CEP95: variants seen among roughly 807,000 people sequenced by gnomAD.
CEP95 encodes the protein centrosomal protein 95.
Under a neutral mutation model 111.2 loss-of-function variants are expected in CEP95, and 98 were observed. The observed-to-expected ratio is 0.88, with a 90% CI of 0.75 to 1.04. The LOEUF (loss-of-function observed/expected upper bound fraction) is 1.04. Among genes scored for constraint, CEP95 ranks in the 50% least tolerant of loss-of-function variants. The pLI, the probability that CEP95 is intolerant of heterozygous loss-of-function variation, is 0.00. For missense variants in CEP95, 1,027 were observed against 977.2 expected (o/e 1.05, Z -0.68); for synonymous variants, 323 against 327.1 (o/e 0.99, Z 0.14).
At chr17:64,515,367 T>C (rs1555676108) in intron 4 of CEP95, among the ~76,000 whole-genome samples, 1 of 152,216 alleles carries the variant, frequency 6.6e-6, no homozygotes, top group African/African-American at 2.4e-5. Flanking sequence ...GCTGTGTACC[T>C]TTCTAGTCTT....
intron 5 of CEP95, 47 bp downstream of exon 5, chr17:64,516,875 T>C (rs1966897929): frequency 8.7e-7 from 1 of 1,143,966 alleles, no homozygotes. Context: ...TTACGCTTTT[T>C]GGACTAAGAA....
At chr17:64,526,030 C>A in intron 9 of CEP95, 41 bp from the exon 10 acceptor site, 1 of 1,592,046 alleles carries the variant, frequency 6.3e-7, no homozygotes, top group Non-Finnish European at 8.5e-7. Context: ...AAATAATAGA[C>A]ACCTAGCTAT....
Position 64,537,650 on chromosome 17 carries a change from A to G in CEP95, c.2337A>G (p.Glu779=), listed in dbSNP as rs1968747452. 6.2e-7 allele frequency: 1 copy of G among 1,612,484 alleles called. No individual in the cohort carries two copies. Among genetic ancestry groups the G allele is most frequent in the Non-Finnish European group, 8.5e-7 (1 of 1,179,050 alleles). The change falls in exon 20 of 20, where the codon GAA becomes GAG. Residue 779 remains glutamate (E), a synonymous_variant. Transcript: ENST00000556440. The stretch of plus-strand genomic sequence containing the variant: ...AGCTGAGATCTAAGATGGAGAAGGA[A>G]ATTCAGCAGCTGCAGGACATGATAA... The part of the protein sequence containing the change: ...KRELRSKMEK[E]IQQLQDMITQ...
chr17:64,536,484 A>G (rs369364056), intron 17 of CEP95, 118 bp from the exon 18 acceptor site: 33 of 658,228 alleles, frequency 5.0e-5, no homozygotes, highest in East Asian at 2.9e-4. Context: ...ATGTCAAAAC[A>G]TCTGAATAAA....
In CEP95 at chr17:64,533,134, A is replaced by G; in HGVS notation, c.1860A>G (p.Arg620=). ...CCTTCAAGATAGAAGAAGCCCTAAG[A>G]AGGCATGACCTCCTTACTACCCTTG... ...KLQDEIEEAL[R]RHDLLTTLVK... is the part of the protein sequence containing the mutation. The change falls in exon 16 of 20, where the codon AGA becomes AGG. Residue 620 remains arginine (R), a synonymous_variant. Coordinates refer to ENST00000556440, the MANE Select transcript of CEP95 (RefSeq NM_138363.3). The G allele has an allele frequency of 1.2e-6, 2 of 1,604,008 alleles. No homozygotes were observed. The highest frequency in any genetic ancestry group is 2.2e-5 in the East Asian group (1 of 44,850).
At chr17:64,537,155 T>C (rs1445260223) in intron 19 of CEP95, 43 bp downstream of exon 19, 1 of 1,596,526 alleles carries the variant, frequency 6.3e-7, no homozygotes, top group Non-Finnish European at 8.5e-7. Context: ...TGCATGGCAA[T>C]GTTTCTTTCA....
chr17:64,533,108 C>T lies in CEP95; in HGVS notation c.1843-9C>T, dbSNP rs782721111. ...TATTAACCTACTTAACTTCATGTCC[C>T]CCTTCAAGATAGAAGAAGCCCTAAG... On this transcript the variant is annotated splice_polypyrimidine_tract_variant and intron_variant, in intron 15 of 19. Coordinates refer to ENST00000556440, the MANE Select transcript of CEP95 (RefSeq NM_138363.3). The T allele has an allele frequency of 6.2e-7, 1 of 1,606,678 alleles. No individual in the cohort carries two copies. Among genetic ancestry groups the T allele is most frequent in the Admixed American group, 1.7e-5 (1 of 57,788 alleles).
chr17:64,506,805 T>G, upstream of CEP95: 1 of 568,580 alleles, frequency 1.8e-6, no homozygotes, highest in Admixed American at 3.0e-5. Context: ...CCGGCTGATG[T>G]GGACCGTCCG....
At chr17:64,528,024 A>T (rs546739812) in intron 11 of CEP95, among the ~76,000 whole-genome samples, 1 of 151,896 alleles carries the variant, frequency 6.6e-6, no homozygotes, top group Non-Finnish European at 1.5e-5. Context: ...TGATATCTCC[A>T]TCTAGTAGGA....
At chr17:64,525,911 C>G in intron 9 of CEP95, 29 bp downstream of exon 9, 1 of 1,508,404 alleles carries the variant, frequency 6.6e-7, no homozygotes, top group Non-Finnish European at 8.9e-7. Flanking sequence ...TCAGTGTTTA[C>G]AGTCTGTTTA....
chr17:64,537,373 T>C (rs1422574588), intron 19 of CEP95: 2 of 1,400,846 alleles, frequency 1.4e-6, no homozygotes, highest in African/African-American at 2.9e-5. Context: ...AAACCAAATG[T>C]ATTATACCTG....
At chr17:64,533,773 A>G (rs933585648) in intron 16 of CEP95, among the ~76,000 whole-genome samples, 3 of 152,316 alleles carry the variant, frequency 2.0e-5, no homozygotes, top group African/African-American at 7.2e-5. Flanking sequence ...CTCACTGATA[A>G]GCAAGGGACA....
At chr17:64,509,032 C>T (rs1404359822) in intron 2 of CEP95, among the ~76,000 whole-genome samples, 1 of 152,142 alleles carries the variant, frequency 6.6e-6, no homozygotes, top group Admixed American at 6.5e-5. Flanking sequence ...TTAACCTAAT[C>T]ATGGCTACTG....
intron 1 of CEP95, chr17:64,508,164 C>G: frequency 2.0e-6 from 2 of 985,316 alleles, no homozygotes; most frequent in Non-Finnish European, 2.4e-6. Flanking sequence ...AAACACAAGA[C>G]CAATACTATT....
intron 17 of CEP95, chr17:64,535,348 TGAAG>T (rs1555681338): frequency 6.3e-6 from 1 of 158,004 alleles, no homozygotes. Flanking sequence ...TTTACACTGA[TGAAG>T]GGAGGACAAG....
chr17:64,506,784 C>A (rs562193121), upstream of CEP95: 3 of 537,368 alleles, frequency 5.6e-6, no homozygotes, highest in African/African-American at 5.8e-5. Flanking sequence ...CCCCGGGACC[C>A]GCCCGGGCTG....
At chr17:64,515,653 A>G (rs190553895) in intron 4 of CEP95, 64 of 152,266 alleles carry the variant, frequency 4.2e-4, no homozygotes, top group African/African-American at 1.5e-3. Context: ...AGTTGCTCAG[A>G]TAGGCTTCCC....
At chr17:64,527,055 C>T (rs900259824) in intron 10 of CEP95, 56 bp from the exon 11 acceptor site, 66 of 1,500,758 alleles carry the variant, frequency 4.4e-5, no homozygotes, top group Non-Finnish European at 5.9e-5. Flanking sequence ...CCTACTCCTA[C>T]GAATTTACAT....
Position 64,525,752 on chromosome 17 carries a change from T to C in CEP95, c.910-18T>C. Reference sequence around the variant, plus strand: ...ATTTGTAGCTTTTTCAAATCAACTTTTTTTCTGTTTTTAATAGGATCTAGA... The same window carrying C: ...ATTTGTAGCTTTTTCAAATCAACTTCTTTTCTGTTTTTAATAGGATCTAGA... On this transcript the variant is annotated intron_variant, in intron 8 of 19. Transcript: ENST00000556440. 1 of 1,533,870 alleles carries C rather than the reference T, an allele frequency of 6.5e-7. No homozygotes were observed. Among genetic ancestry groups the C allele is most frequent in the Non-Finnish European group, 8.9e-7 (1 of 1,123,388 alleles).
Sources: gnomAD v4.1 joint callset for allele counts (sites outside exome capture counted in the v4.1 genomes callset) on GRCh38, gnomAD v4.1.1 for gene constraint, MANE v1.5 for transcripts, NCBI Gene and HGNC (gene_info 2026-07-23, HGNC 2026-07-21) for gene names.